The following TOP1 variants were observed in gnomAD, a reference collection of about 807,000 sequenced individuals.
TOP1 encodes DNA topoisomerase I, also known as DNA topoisomerase 1.
A neutral mutation model predicts 111.1 loss-of-function variants in TOP1; 10 were observed. The ratio of observed to expected loss-of-function variants is 0.09; its 90% confidence interval spans 0.06 to 0.15. The LOEUF (loss-of-function observed/expected upper bound fraction) is 0.15. Among genes scored for constraint, TOP1 ranks in the 10% least tolerant of loss-of-function variants. The probability of loss-of-function intolerance (pLI) is 1.00; values close to 1 mark genes in which losing one functional copy is unlikely to be tolerated. For missense variants in TOP1, 474 were observed against 926.7 expected, an observed-to-expected ratio of 0.51 and a Z score of 6.34; for synonymous variants, 271 against 302.9, an observed-to-expected ratio of 0.89 and a Z score of 1.10.
Position 41,089,236 on chromosome 20 carries a change from G to A in TOP1, c.615-3236G>A, listed in dbSNP as rs566659800. 1.9e-4 allele frequency among the ~76,000 whole-genome samples: 29 copies of A among 152,150 alleles called. No homozygotes were observed. The East Asian group carries it at 5.6e-3, about 29-fold the overall frequency. Reference sequence around the variant, plus strand: ...AGACGGGGTTTCGCCATGTTGGCCAGGCTGGTCTCAAACTCCAGACCTCAG... The same window carrying A: ...AGACGGGGTTTCGCCATGTTGGCCAAGCTGGTCTCAAACTCCAGACCTCAG... On this transcript the variant is annotated intron_variant, in intron 8 of 20. Coordinates refer to ENST00000361337, the MANE Select transcript of TOP1 (RefSeq NM_003286.4).
At chr20:41,054,200 G>T (rs976337941) in intron 2 of TOP1, among the ~76,000 whole-genome samples, 2 of 152,146 alleles carry the variant, frequency 1.3e-5, no homozygotes, top group East Asian at 3.8e-4. Flanking sequence ...GGAGGGACCC[G>T]GTGGGAGGTG....
Position 41,098,249 on chromosome 20 carries a change from A to T in TOP1, c.887A>T (p.Asn296Ile). Residue 296 changes from asparagine to isoleucine, a missense_variant, in exon 11 of 21, where the codon AAC becomes ATC. Physicochemically the swap from Asn to Ile is moderately radical, Grantham distance 149. Around this residue, in one of 14 missense-constraint regions of TOP1, gnomAD observed 84 missense variants for 119.2 expected, o/e 0.70. Coordinates refer to ENST00000361337, the MANE Select transcript of TOP1 (RefSeq NM_003286.4). The surrounding 1 kb of genome is among the most constrained non-coding windows in gnomAD (Gnocchi z 5.7). ...MTNEEKNIIT[N>I]LSKCDFTQMS... Reference sequence around the variant, plus strand: ...AATGAAGAGAAGAATATTATCACCAACCTAAGCAAATGTGATTTTACCCAG... The same window carrying T: ...AATGAAGAGAAGAATATTATCACCATCCTAAGCAAATGTGATTTTACCCAG... 1 of 1,613,948 alleles carries T rather than the reference A, an allele frequency of 6.2e-7. No homozygotes were observed. Among genetic ancestry groups the T allele is most frequent in the Non-Finnish European group, 8.5e-7 (1 of 1,179,836 alleles).
chr20:41,032,452 TG>T lies in TOP1; in HGVS notation c.58+3001del, dbSNP rs1204771200. 6.6e-6 allele frequency among the ~76,000 whole-genome samples: 1 copy of T among 152,190 alleles called. No individual in the cohort carries two copies. Among genetic ancestry groups the T allele is most frequent in the East Asian group, 1.9e-4 (1 of 5,200 alleles). Reference sequence around the variant, plus strand: ...TAAGTATTGGTAGAACTAACTGTAGTGGGGCTGAGTCATTATTACAGTACTG... The same window carrying T: ...TAAGTATTGGTAGAACTAACTGTAGTGGGCTGAGTCATTATTACAGTACTG... On this transcript the variant is annotated intron_variant, in intron 2 of 20. Coordinates refer to ENST00000361337, the MANE Select transcript of TOP1 (RefSeq NM_003286.4). This position sits in a 1 kb window ranked among gnomAD's most constrained non-coding sequence, Gnocchi z 4.3.
At position 41,112,777 on chromosome 20, in the gene TOP1, T is replaced by C; in HGVS notation, c.1309-5T>C. On this transcript the variant is annotated splice_region_variant and splice_polypyrimidine_tract_variant and intron_variant, in intron 13 of 20. Transcript: ENST00000361337. This position sits in a 1 kb window ranked among gnomAD's most constrained non-coding sequence, Gnocchi z 5.8. The stretch of plus-strand genomic sequence containing the variant: ...TAATCTACATTTGGGTTTGGGTCTT[T>C]ACAGGGTGAGAAGGACTGGCAGAAA... 1 of 1,614,122 alleles carries C rather than the reference T, an allele frequency of 6.2e-7. No homozygotes were observed. The highest frequency in any genetic ancestry group is 8.5e-7 in the Non-Finnish European group (1 of 1,179,978).
At position 41,078,362 on chromosome 20, in the gene TOP1, A is replaced by G. The variant is rs1164650420; in HGVS notation, c.335+725A>G. Among the ~76,000 whole-genome samples the G allele has an allele frequency of 6.6e-6, 1 of 152,236 alleles. No homozygotes were observed. On this transcript the variant is annotated intron_variant, in intron 5 of 20. Coordinates refer to ENST00000361337, the MANE Select transcript of TOP1 (RefSeq NM_003286.4). The surrounding 1 kb of genome is among the most constrained non-coding windows in gnomAD (Gnocchi z 5.3). ...ATTCTCACTTCACTGAATGACAGAA[A>G]GGATTTATTAGAAATGGTTGTAAGT...
At position 41,116,456 on chromosome 20, in the gene TOP1, T is replaced by C; in HGVS notation, c.1822+64T>C. 2 of 1,313,508 alleles carry C rather than the reference T, an allele frequency of 1.5e-6. No homozygotes were observed. The highest frequency in any genetic ancestry group is 1.7e-5 in the Admixed American group (1 of 57,172). 81.4% of individuals were successfully genotyped at this position (1,313,508 alleles called of 1,614,324 possible). A position where few individuals can be genotyped will look rare whatever the true frequency, so the allele number is the denominator to read the frequency against. On this transcript the variant is annotated intron_variant, in intron 17 of 20. Coordinates refer to ENST00000361337, the MANE Select transcript of TOP1 (RefSeq NM_003286.4). The surrounding 1 kb of genome is among the most constrained non-coding windows in gnomAD (Gnocchi z 5.6). ...TAATGGTATCCGGTGACCTTGCTTA[T>C]CTAAGGCCTAGAGTCAGTTCTACTT...
chr20:41,052,243 C>T (rs915098580), intron 2 of TOP1, among the ~76,000 whole-genome samples: 3 of 152,210 alleles, frequency 2.0e-5, no homozygotes, highest in African/African-American at 7.2e-5. Flanking sequence ...GGTCTGCTTT[C>T]TCCAGCTTCC....
intron 3 of TOP1, among the ~76,000 whole-genome samples, chr20:41,062,267 A>G (rs1323053645): frequency 6.6e-6 from 1 of 152,244 alleles, no homozygotes; most frequent in Non-Finnish European, 1.5e-5. Flanking sequence ...TCTGTCACAC[A>G]TTAGAACAAG....
In TOP1 at chr20:41,118,187, C is replaced by T. The variant is rs2034364915; in HGVS notation, c.1841C>T (p.Ala614Val). 1.9e-6 allele frequency: 3 copies of T among 1,613,946 alleles called. No individual in the cohort carries two copies. Among genetic ancestry groups the T allele is most frequent in the Non-Finnish European group, 1.7e-6 (2 of 1,179,940 alleles). Reference sequence around the variant, plus strand: ...TTTACAGCGGATGAGAACATCCCAGCGAAGATCCTTTCTTATAACCGTGCC... The same window carrying T: ...TTTACAGCGGATGAGAACATCCCAGTGAAGATCCTTTCTTATAACCGTGCC... ...ELTAPDENIP[A>V]KILSYNRANR... Residue 614 changes from alanine to valine, a missense_variant, in exon 18 of 21, where the codon GCG (alanine) becomes GTG (valine). By Grantham distance (64) the Ala-to-Val change is moderately conservative. Coordinates refer to ENST00000361337, the MANE Select transcript of TOP1 (RefSeq NM_003286.4). The surrounding 1 kb of genome is among the most constrained non-coding windows in gnomAD (Gnocchi z 4.6).
intron 2 of TOP1, among the ~76,000 whole-genome samples, chr20:41,051,114 A>G (rs1013438311): frequency 6.6e-6 from 1 of 152,350 alleles, no homozygotes; most frequent in East Asian, 1.9e-4. Flanking sequence ...AGAGAAGAGC[A>G]GAGATTATCT....
intron 3 of TOP1, among the ~76,000 whole-genome samples, chr20:41,064,555 G>C (rs1012042084): frequency 6.6e-6 from 1 of 151,914 alleles, no homozygotes; most frequent in Non-Finnish European, 1.5e-5. Context: ...TTCCATATTT[G>C]GTCTTGTGAA....
intron 9 of TOP1, among the ~76,000 whole-genome samples, chr20:41,096,678 G>A (rs1209486327): frequency 6.6e-6 from 1 of 152,144 alleles, no homozygotes; most frequent in Non-Finnish European, 1.5e-5. Flanking sequence ...CTTTTCATAT[G>A]GGAAATCTGG....
At position 41,030,028 on chromosome 20, in the gene TOP1, AT is replaced by A. The variant is rs904848086; in HGVS notation, c.58+583del. Among the ~76,000 whole-genome samples the A allele has an allele frequency of 1.7e-4, 26 of 150,350 alleles. No homozygotes were observed. The highest frequency in any genetic ancestry group is 6.3e-4 in the South Asian group (3 of 4,750). On this transcript the variant is annotated intron_variant, in intron 2 of 20. Coordinates refer to ENST00000361337, the MANE Select transcript of TOP1 (RefSeq NM_003286.4). The surrounding 1 kb of genome is among the most constrained non-coding windows in gnomAD (Gnocchi z 4.1). Reference sequence around the variant, plus strand: ...GAAAGATTTCCTTAAGCAACTGTTAATTTTTTTTTTGATAGGCTGTTTATGA... The same window carrying A: ...GAAAGATTTCCTTAAGCAACTGTTAATTTTTTTTTGATAGGCTGTTTATGA...
At chr20:41,120,188 T>C (rs940395898) in intron 18 of TOP1, among the ~76,000 whole-genome samples, 1 of 152,276 alleles carries the variant, frequency 6.6e-6, no homozygotes, top group African/African-American at 2.4e-5. Context: ...GTTTGCTACA[T>C]TTCTATCCTA....
Position 41,109,828 on chromosome 20 carries a change from A to G in TOP1, c.1309-2954A>G, listed in dbSNP as rs2034205978. Among the ~76,000 whole-genome samples the G allele has an allele frequency of 1.3e-5, 2 of 152,222 alleles. No homozygotes were observed. Among genetic ancestry groups the G allele is most frequent in the South Asian group, 2.1e-4 (1 of 4,832 alleles). ...AATAAAAACATTTATCCATGAAAAA[A>G]CTTGTACAAGAATGTTCATAGCAGT... On this transcript the variant is annotated intron_variant, in intron 13 of 20. Transcript: ENST00000361337. The surrounding 1 kb of genome is among the most constrained non-coding windows in gnomAD (Gnocchi z 4.1).
chr20:41,085,066 C>A (rs1600579370), intron 8 of TOP1, among the ~76,000 whole-genome samples: 2 of 138,212 alleles, frequency 1.4e-5, no homozygotes, highest in African/African-American at 2.9e-5. Context: ...GGCAGGTGGA[C>A]ACCTTCATGC....
In TOP1 at chr20:41,094,367, G is replaced by A. The variant is rs564414617; in HGVS notation, c.730+1780G>A. Among the ~76,000 whole-genome samples, 7 of 152,310 alleles carry A rather than the reference G, an allele frequency of 4.6e-5. No homozygotes were observed. Among genetic ancestry groups the A allele is most frequent in the Admixed American group, 6.5e-5 (1 of 15,294 alleles). ...ACCTTGAAGAGCACCATCTCAAAGC[G>A]TAGGTATTCCGTAGGCCTGGTCTGG... On this transcript the variant is annotated intron_variant, in intron 9 of 20. Transcript: ENST00000361337. The surrounding 1 kb of genome is among the most constrained non-coding windows in gnomAD (Gnocchi z 4.4).
chr20:41,093,190 G>GT (rs1024722873), intron 9 of TOP1, among the ~76,000 whole-genome samples: 70 of 152,270 alleles, frequency 4.6e-4, no homozygotes, highest in African/African-American at 1.7e-3. Flanking sequence ...TCTGTCGTTG[G>GT]TATTTGTATC....
In TOP1 at chr20:41,095,827, A is replaced by G. The variant is rs2033974726; in HGVS notation, c.731-1393A>G. Among the ~76,000 whole-genome samples, 2 of 152,230 alleles carry G rather than the reference A, an allele frequency of 1.3e-5. No individual in the cohort carries two copies. The highest frequency in any genetic ancestry group is 4.1e-4 in the South Asian group (2 of 4,830). On this transcript the variant is annotated intron_variant, in intron 9 of 20. Transcript: ENST00000361337. This position sits in a 1 kb window ranked among gnomAD's most constrained non-coding sequence, Gnocchi z 4.6. ...TTAACCTCATTTTAAGTATAGCCAAATGCTCTTAGTATAGCATGGATTGGT... is the reference window on the plus strand; with the variant it reads ...TTAACCTCATTTTAAGTATAGCCAAGTGCTCTTAGTATAGCATGGATTGGT...
Sources: allele counts gnomAD v4.1 joint callset (sites outside exome capture counted in the v4.1 genomes callset), GRCh38; gene constraint gnomAD v4.1.1; regional missense constraint gnomAD v4.1.1; non-coding constraint Gnocchi (gnomAD v3.1); transcripts MANE v1.5; gene names NCBI Gene and HGNC (gene_info 2026-07-23, HGNC 2026-07-21).